The following SIPA1L3 variants were observed in gnomAD, a reference collection of about 807,000 sequenced individuals.
SIPA1L3 encodes the protein signal induced proliferation associated 1 like 3, also known as signal-induced proliferation-associated 1-like protein 3.
Under a neutral mutation model 150.1 loss-of-function variants are expected in SIPA1L3, and 59 were observed. That is an observed-to-expected ratio of 0.39 (90% CI 0.32 to 0.49). SIPA1L3 has a LOEUF of 0.49. SIPA1L3 is among the 20% of genes least tolerant of loss of function. The pLI is 0.86. For synonymous variants in SIPA1L3, 1,070 were observed against 1,077.6 expected, an observed-to-expected ratio of 0.99 and a Z score of 0.14; for missense variants, 2,211 against 2,489.5, an observed-to-expected ratio of 0.89 and a Z score of 2.38.
chr19:38,170,052 A>G (rs1003451213), intron 15 of SIPA1L3, among the ~76,000 whole-genome samples: 2 of 151,890 alleles, frequency 1.3e-5, no homozygotes, highest in African/African-American at 2.4e-5. Context: ...GGTTGGGGCC[A>G]TGATGGAGGG....
chr19:37,939,009 TAA>T (rs2046627654), intron 1 of SIPA1L3, among the ~76,000 whole-genome samples: 1 of 152,208 alleles, frequency 6.6e-6, no homozygotes. Context: ...TTTAACCTAA[TAA>T]AAGTTTATGA....
At chr19:37,929,829 A>C (rs2046537122) in intron 1 of SIPA1L3, among the ~76,000 whole-genome samples, 1 of 151,940 alleles carries the variant, frequency 6.6e-6, no homozygotes, top group African/African-American at 2.4e-5. Flanking sequence ...GTGACTTTTT[A>C]TGTATGTATG....
rs150346206 is a variant in SIPA1L3 at position 38,152,947 on chromosome 19, C to T, written c.3641C>T (p.Thr1214Ile). 7.7e-5 allele frequency: 125 copies of T among 1,612,954 alleles called. No individual in the cohort carries two copies. The highest frequency in any genetic ancestry group is 1.0e-4 in the Non-Finnish European group (119 of 1,179,618). Residue 1214 changes from threonine to isoleucine, a missense_variant, in exon 13 of 22, where the codon ACC (threonine) becomes ATC (isoleucine). Thr to Ile is a moderately conservative substitution (Grantham distance 89, BLOSUM62 -1). Around this residue, in one of 5 missense-constraint regions of SIPA1L3, gnomAD observed 806 missense variants for 870.1 expected, o/e 0.93. Coordinates refer to ENST00000222345, the MANE Select transcript of SIPA1L3 (RefSeq NM_015073.3). ...GGCGGCCTGACCAGCCAGGAGAGCACCATGGAACGCCAGAAGCCAGGTAGG... is the reference window on the plus strand; with the variant it reads ...GGCGGCCTGACCAGCCAGGAGAGCATCATGGAACGCCAGAAGCCAGGTAGG... The part of the protein sequence containing the change: ...SSGGLTSQES[T>I]MERQKPEPLW...
At chr19:37,994,907 G>A (rs1967596180) in intron 1 of SIPA1L3, among the ~76,000 whole-genome samples, 1 of 152,180 alleles carries the variant, frequency 6.6e-6, no homozygotes. Context: ...TGGTGCAGAG[G>A]TGCTCACCTG....
At chr19:38,033,679 G>A (rs113583158) in intron 2 of SIPA1L3, among the ~76,000 whole-genome samples, 23,421 of 135,908 alleles carry the variant, frequency 0.17, 1,827 homozygotes, top group African/African-American at 0.26. Flanking sequence ...ACGTATGTGT[G>A]TGTGTGTGTG....
intron 8 of SIPA1L3, among the ~76,000 whole-genome samples, chr19:38,112,252 GCACA>G (rs548550795): frequency 5.3e-5 from 8 of 150,796 alleles, no homozygotes; most frequent in East Asian, 2.0e-4. Context: ...ACTCACACAG[GCACA>G]CACAAGCACA....
intron 19 of SIPA1L3, among the ~76,000 whole-genome samples, 199 bp downstream of exon 19, chr19:38,198,731 G>C (rs533968636): frequency 6.6e-6 from 1 of 152,232 alleles, no homozygotes; most frequent in East Asian, 1.9e-4. Context: ...AGCGAACCAC[G>C]TTGACCAACA....
At chr19:37,936,776 A>G (rs896356891) in intron 1 of SIPA1L3, among the ~76,000 whole-genome samples, 1 of 152,222 alleles carries the variant, frequency 6.6e-6, no homozygotes, top group Non-Finnish European at 1.5e-5. Flanking sequence ...CCATTTGGCT[A>G]TACTGCTTTG....
intron 9 of SIPA1L3, among the ~76,000 whole-genome samples, chr19:38,121,191 A>T (rs573350386): frequency 3.3e-5 from 5 of 152,256 alleles, no homozygotes; most frequent in Admixed American, 2.6e-4. Context: ...AAAAAATAAA[A>T]AAATAAATTA....
intron 9 of SIPA1L3, among the ~76,000 whole-genome samples, chr19:38,128,046 CTTTTTTTTTTTTT>C (rs34053188): frequency 1.5e-5 from 1 of 66,548 alleles, no homozygotes; most frequent in Non-Finnish European, 2.8e-5. Context: ...CCTTGGGCCT[CTTTTTTTTTTTTT>C]TTTTTTTTTT....
In SIPA1L3 at chr19:38,130,570, G is replaced by T; in HGVS notation, c.2941G>T (p.Val981Leu). The T allele has an allele frequency of 3.1e-6, 5 of 1,613,830 alleles. No individual in the cohort carries two copies. The highest frequency in any genetic ancestry group is 1.3e-5 in the African/African-American group (1 of 75,064). ...CGGGCTCGGGCAGCTGGGCTTCCACGTGAAGTACGACGGCACGGTGGCCGA... is the reference window on the plus strand; with the variant it reads ...CGGGCTCGGGCAGCTGGGCTTCCACTTGAAGTACGACGGCACGGTGGCCGA... ...RNGLGQLGFH[V>L]KYDGTVAEVE... The change falls in exon 10 of 22, where the codon GTG becomes TTG. Residue 981 changes from valine to leucine, a missense_variant. Physicochemically the swap from Val to Leu is conservative, Grantham distance 32. Transcript: ENST00000222345.
At chr19:38,054,913 A>G (rs1475657452) in intron 2 of SIPA1L3, among the ~76,000 whole-genome samples, 1 of 152,124 alleles carries the variant, frequency 6.6e-6, no homozygotes, top group African/African-American at 2.4e-5. Context: ...TGAAGAGTCC[A>G]TGTTCCCGGG....
At chr19:37,936,327 C>G (rs2046600025) in intron 1 of SIPA1L3, among the ~76,000 whole-genome samples, 3 of 152,190 alleles carry the variant, frequency 2.0e-5, no homozygotes, top group Admixed American at 1.3e-4. Context: ...TCCATCCAGA[C>G]AGCCACAGAA....
At chr19:38,064,463 G>A (rs560581729) in intron 2 of SIPA1L3, among the ~76,000 whole-genome samples, 1 of 152,248 alleles carries the variant, frequency 6.6e-6, no homozygotes, top group East Asian at 1.9e-4. Context: ...TTGGGAGGCC[G>A]AGGCGGGCAG....
At chr19:38,070,555 G>C (rs942631287) in intron 2 of SIPA1L3, among the ~76,000 whole-genome samples, 14 of 152,204 alleles carry the variant, frequency 9.2e-5, no homozygotes, top group African/African-American at 3.4e-4. Flanking sequence ...TGGATTTCGA[G>C]TGTTTGGTGC....
intron 4 of SIPA1L3, among the ~76,000 whole-genome samples, chr19:38,093,354 T>G (rs938588031): frequency 7.9e-5 from 12 of 152,160 alleles, no homozygotes; most frequent in African/African-American, 2.9e-4. Flanking sequence ...TGAGTCCTAG[T>G]TTGACCACTC....
intron 1 of SIPA1L3, among the ~76,000 whole-genome samples, chr19:37,921,541 C>G (rs1365752701): frequency 6.6e-6 from 1 of 152,078 alleles, no homozygotes; most frequent in Admixed American, 6.6e-5. Context: ...CCTGCACCCC[C>G]TCAAGCTTCC....
intron 2 of SIPA1L3, among the ~76,000 whole-genome samples, chr19:38,044,746 T>A (rs1431591424): frequency 6.6e-6 from 1 of 152,094 alleles, no homozygotes; most frequent in East Asian, 1.9e-4. Context: ...TTGGGGGTCG[T>A]CACTGTGGAG....
intron 1 of SIPA1L3, among the ~76,000 whole-genome samples, chr19:37,973,603 GA>G (rs201534415): frequency 5.0e-5 from 4 of 80,268 alleles, no homozygotes; most frequent in Non-Finnish European, 8.6e-5. Context: ...TCAGCACTCT[GA>G]GAGTGCTGCT....
Sources: allele counts gnomAD v4.1 joint callset (sites outside exome capture counted in the v4.1 genomes callset), GRCh38; gene constraint gnomAD v4.1.1; regional missense constraint gnomAD v4.1.1; transcripts MANE v1.5; gene names NCBI Gene and HGNC (gene_info 2026-07-23, HGNC 2026-07-21).